HNRNPC: variants seen among roughly 807,000 people sequenced by gnomAD.
HNRNPC encodes heterogeneous nuclear ribonucleoproteins C1/C2.
In HNRNPC, 3 loss-of-function variants were observed where a neutral mutation model predicts 33.2. That is an observed-to-expected ratio of 0.09 (90% CI 0.04 to 0.23). The LOEUF is 0.23. Among genes scored for constraint, HNRNPC ranks in the 10% least tolerant of loss-of-function variants. The probability of loss-of-function intolerance (pLI) is 1.00; values close to 1 mark genes in which losing one functional copy is unlikely to be tolerated. For synonymous variants in HNRNPC, 121 were observed against 126.7 expected (o/e 0.96, Z 0.30); for missense variants, 143 against 366.7 (o/e 0.39, Z 4.98).
chr14:21,249,301 G>A (rs977358388), intron 2 of HNRNPC, among the ~76,000 whole-genome samples: 1 of 151,966 alleles, frequency 6.6e-6, no homozygotes, highest in Non-Finnish European at 1.5e-5. Flanking sequence ...GCTGGGCGCA[G>A]TGGCTCACGC....
intron 5 of HNRNPC, 80 bp downstream of exon 5, chr14:21,230,239 G>T: frequency 3.1e-6 from 3 of 979,102 alleles, no homozygotes; most frequent in Non-Finnish European, 4.7e-6. Flanking sequence ...CATCTTTGAT[G>T]TTCATCACCA....
At chr14:21,231,329 C>T (rs1457182792) in intron 3 of HNRNPC, 1 of 579,140 alleles carries the variant, frequency 1.7e-6, no homozygotes, top group African/African-American at 1.8e-5. Flanking sequence ...GAAAATCACA[C>T]AGACACATAA....
Position 21,213,007 on chromosome 14 carries a change from C to A in HNRNPC, c.476G>T (p.Gly159Val). The A allele has an allele frequency of 6.2e-7, 1 of 1,613,972 alleles. No homozygotes were observed. Among genetic ancestry groups the A allele is most frequent in the Non-Finnish European group, 8.5e-7 (1 of 1,179,868 alleles). ...SGNTSRRGKS[G>V]FNSKSGQRGS... ...CCGCTGTCCACTCTTAGAATTGAAG[C>A]CACTTTTGCCCCTTCGTGAAGTGTT... The change falls in exon 6 of 9, where the codon GGC (glycine) becomes GTC (valine). Residue 159 changes from glycine (G) to valine (V), a missense_variant. This residue lies in a region of HNRNPC where 131 missense variants were observed against 253.0 expected (regional missense o/e 0.52). Transcript: ENST00000553300.
chr14:21,221,092 A>C (rs1363122145), intron 5 of HNRNPC, among the ~76,000 whole-genome samples: 1 of 152,228 alleles, frequency 6.6e-6, no homozygotes. Context: ...GTCTCAAAAA[A>C]ACAAAAAACA....
At chr14:21,227,783 C>G (rs1197962355) in intron 5 of HNRNPC, among the ~76,000 whole-genome samples, 1 of 152,134 alleles carries the variant, frequency 6.6e-6, no homozygotes, top group Non-Finnish European at 1.5e-5. Flanking sequence ...GAACTATTTT[C>G]AAGAAGACTG....
At chr14:21,246,243 T>C (rs775016326) in intron 2 of HNRNPC, among the ~76,000 whole-genome samples, 1 of 152,062 alleles carries the variant, frequency 6.6e-6, no homozygotes, top group Non-Finnish European at 1.5e-5. Flanking sequence ...CTCTTCCCCA[T>C]CCTAGCCATC....
At chr14:21,225,655 G>C (rs1288132409) in intron 5 of HNRNPC, among the ~76,000 whole-genome samples, 4 of 151,966 alleles carry the variant, frequency 2.6e-5, no homozygotes, top group African/African-American at 9.7e-5. Flanking sequence ...TGTAGGTAGG[G>C]TCCACGAGAT....
rs189051907 is a variant in HNRNPC at position 21,255,674 on chromosome 14, T to C, written c.-37+7637A>G. Among the ~76,000 whole-genome samples, 35 of 152,382 alleles carry C rather than the reference T, an allele frequency of 2.3e-4. 1 individual carries two copies. The highest frequency in any genetic ancestry group is 7.9e-4 in the African/African-American group (33 of 41,600). ...AATACTACCACATTGATCATTATAA[T>C]AGTCTTAAGCACATAGTACACAAGT... On this transcript the variant is annotated intron_variant, in intron 2 of 8. Coordinates refer to ENST00000553300, the MANE Select transcript of HNRNPC (RefSeq NM_004500.4).
chr14:21,210,077 G>GGTAT lies in HNRNPC; in HGVS notation c.*1142_*1145dup, dbSNP rs1290656219. On this transcript the variant is annotated 3_prime_UTR_variant, in exon 9 of 9. Coordinates refer to ENST00000553300, the MANE Select transcript of HNRNPC (RefSeq NM_004500.4). The stretch of plus-strand genomic sequence containing the variant: ...GTTTTCTTGTTTTCAGGAACATGGA[G>GGTAT]GTATATACACTTCAGAATTCAGAAG... 2.0e-5 allele frequency: 3 copies of GGTAT among 152,148 alleles called. No homozygotes were observed. Among genetic ancestry groups the GGTAT allele is most frequent in the African/African-American group, 7.2e-5 (3 of 41,418 alleles). The allele number at this position is 152,148 out of a possible 1,614,324, so 9.4% of individuals were successfully genotyped here.
chr14:21,223,490 T>A (rs916757927), intron 5 of HNRNPC, among the ~76,000 whole-genome samples: 3 of 152,178 alleles, frequency 2.0e-5, no homozygotes, highest in Non-Finnish European at 4.4e-5. Flanking sequence ...AGCTCATGCC[T>A]ATAATCCCAG....
chr14:21,238,874 C>A (rs1318306595), intron 2 of HNRNPC, among the ~76,000 whole-genome samples: 1 of 152,194 alleles, frequency 6.6e-6, no homozygotes, highest in Non-Finnish European at 1.5e-5. Flanking sequence ...CACCTGTAAT[C>A]CCAGCTCTTT....
chr14:21,256,714 G>A (rs1877281483), intron 2 of HNRNPC, among the ~76,000 whole-genome samples: 1 of 151,826 alleles, frequency 6.6e-6, no homozygotes, highest in South Asian at 2.1e-4. Flanking sequence ...AATGGTGCGG[G>A]TGCGATCTCG....
At chr14:21,244,001 A>G (rs900126550) in intron 2 of HNRNPC, among the ~76,000 whole-genome samples, 1 of 151,992 alleles carries the variant, frequency 6.6e-6, no homozygotes, top group Non-Finnish European at 1.5e-5. Context: ...AAATGAGTAA[A>G]TACTATTTTT....
In HNRNPC at chr14:21,267,093, CTCAAAAAAAAAAAAAAAAAA is replaced by C. The variant is rs1566654058; in HGVS notation, c.-63+2185_-63+2204del. Among the ~76,000 whole-genome samples, 71 of 101,964 alleles carry C rather than the reference CTCAAAAAAAAAAAAAAAAAA, an allele frequency of 7.0e-4. 1 individual carries two copies. Among genetic ancestry groups the C allele is most frequent in the African/African-American group, 2.5e-3 (66 of 26,012 alleles). 66.9% of individuals were successfully genotyped at this position (101,964 alleles called of 152,430 possible). A position where few individuals can be genotyped will look rare whatever the true frequency, so the allele number is the denominator to read the frequency against. On this transcript the variant is annotated intron_variant, in intron 1 of 8. Coordinates refer to ENST00000553300, the MANE Select transcript of HNRNPC (RefSeq NM_004500.4). ...CTAGGGCGACAGAGCGAGACTCCGT[CTCAAAAAAAAAAAAAAAAAA>C]AAAAAAAAAAAAAACAAAACTGCTT...
At position 21,213,099 on chromosome 14, in the gene HNRNPC, T is replaced by A. The variant is rs796861613; in HGVS notation, c.384A>T (p.Ala128=). ...CAATAGGAGGAGGAGGAGGTACACG[T>A]GCTGGGTAACTGTACATCCTATTGG... ...DYYDRMYSYP[A]RVPPPPPIAR... is the part of the protein sequence containing the mutation. Residue 128 remains alanine, a synonymous_variant, in exon 6 of 9, where the codon GCA becomes GCT. Transcript: ENST00000553300. The A allele has an allele frequency of 1.9e-6, 3 of 1,614,150 alleles. No homozygotes were observed. In the East Asian group the frequency reaches 6.7e-5, roughly 36 times the overall value.
At chr14:21,252,825 T>C (rs1896815530) in intron 2 of HNRNPC, among the ~76,000 whole-genome samples, 1 of 152,144 alleles carries the variant, frequency 6.6e-6, no homozygotes, top group Non-Finnish European at 1.5e-5. Context: ...GTGAGACAAG[T>C]ACATGGAAGT....
chr14:21,227,490 C>T (rs867903264), intron 5 of HNRNPC, among the ~76,000 whole-genome samples: 1 of 152,204 alleles, frequency 6.6e-6, no homozygotes, highest in African/African-American at 2.4e-5. Context: ...CCGACAGTAA[C>T]TACTAGTATC....
intron 2 of HNRNPC, among the ~76,000 whole-genome samples, chr14:21,239,618 A>C (rs1326285971): frequency 6.6e-6 from 1 of 152,134 alleles, no homozygotes; most frequent in Admixed American, 6.5e-5. Flanking sequence ...TCACACCTGT[A>C]ATCCCAGCAC....
chr14:21,264,928 G>C (rs1309136457), intron 1 of HNRNPC: 1 of 152,074 alleles, frequency 6.6e-6, no homozygotes, highest in African/African-American at 2.4e-5. Context: ...GAGGAGCGAG[G>C]ATCACTTGAG....
Sources: allele counts gnomAD v4.1 joint callset (sites outside exome capture counted in the v4.1 genomes callset), GRCh38; gene constraint gnomAD v4.1.1; regional missense constraint gnomAD v4.1.1; transcripts MANE v1.5; gene names NCBI Gene and HGNC (gene_info 2026-07-23, HGNC 2026-07-21).